Variants in WT1 observed in about 807,000 individuals in gnomAD.
WT1 encodes Wilms tumor protein.
A neutral mutation model predicts 60.8 loss-of-function variants in WT1; 8 were observed. The observed-to-expected ratio is 0.13, with a 90% confidence interval of 0.08 to 0.24. WT1 has a LOEUF of 0.24. Ranked by LOEUF, WT1 falls within the 10% of genes least tolerant of loss-of-function variation. The probability of loss-of-function intolerance (pLI) is 1.00; values close to 1 mark genes in which losing one functional copy is unlikely to be tolerated. For missense variants in WT1, 568 were observed against 711.8 expected (o/e 0.80, Z 2.30); for synonymous variants, 312 against 297.1 (o/e 1.05, Z -0.52).
intron 3 of WT1, among the ~76,000 whole-genome samples, chr11:32,422,564 T>G (rs987530014): frequency 1.3e-5 from 2 of 152,246 alleles, no homozygotes; most frequent in African/African-American, 4.8e-5. Context: ...GTCATCTGAT[T>G]TCTGTCTATG....
At chr11:32,416,636 C>T (rs1349975189) in intron 4 of WT1, 96 bp from the exon 5 acceptor site, 2 of 1,430,780 alleles carry the variant, frequency 1.4e-6, no homozygotes, top group East Asian at 4.5e-5. Flanking sequence ...CCCCTCAATA[C>T]ACAGAGACAT....
At chr11:32,414,660 G>T (rs1362866084) in intron 5 of WT1, among the ~76,000 whole-genome samples, 42 of 152,210 alleles carry the variant, frequency 2.8e-4, no homozygotes, top group Non-Finnish European at 8.8e-5. Context: ...ATCGCCTGAG[G>T]TCAGGTGTTC....
chr11:32,420,819 AG>A (rs1452639674), intron 3 of WT1, among the ~76,000 whole-genome samples: 2 of 152,188 alleles, frequency 1.3e-5, no homozygotes, highest in Non-Finnish European at 2.9e-5. Flanking sequence ...CAGCTCACTA[AG>A]GGCAGAGTGC....
chr11:32,425,861 T>C (rs1853017771), intron 3 of WT1, among the ~76,000 whole-genome samples: 1 of 152,190 alleles, frequency 6.6e-6, no homozygotes, highest in Admixed American at 6.5e-5. Flanking sequence ...TTTGATGAAG[T>C]GCTTAATACA....
chr11:32,409,136 A>G (rs1425114563), intron 5 of WT1, among the ~76,000 whole-genome samples: 1 of 152,232 alleles, frequency 6.6e-6, no homozygotes, highest in Admixed American at 6.5e-5. Context: ...AGCTGCTGGC[A>G]ACCTGGCACA....
At chr11:32,428,974 C>G in intron 1 of WT1, 2 of 368,372 alleles carry the variant, frequency 5.4e-6, no homozygotes, top group South Asian at 4.8e-5. Flanking sequence ...TGTTCACCCC[C>G]CAAAAATAAA....
At chr11:32,424,671 A>G (rs1198552118) in intron 3 of WT1, among the ~76,000 whole-genome samples, 1 of 152,128 alleles carries the variant, frequency 6.6e-6, no homozygotes, top group Non-Finnish European at 1.5e-5. Flanking sequence ...TGTATTTTCT[A>G]TTCACTGTTG....
At chr11:32,433,576 T>C (rs1451273418) in intron 1 of WT1, among the ~76,000 whole-genome samples, 1 of 152,230 alleles carries the variant, frequency 6.6e-6, no homozygotes, top group Non-Finnish European at 1.5e-5. Flanking sequence ...AGGAAAAGCA[T>C]CCGCCATTGT....
rs1851706783 is a variant in WT1, at chr11:32,388,018, A to C, written c.*1040T>G. On this transcript the variant is annotated 3_prime_UTR_variant, in exon 10 of 10. Transcript: ENST00000452863. ...AACACAACACAACACACACACACAC[A>C]CACACACACACACACACACGACCAT... The C allele has an allele frequency of 4.2e-6, 1 of 235,768 alleles. No individual in the cohort carries two copies. Among genetic ancestry groups the C allele is most frequent in the South Asian group, 1.8e-4 (1 of 5,510 alleles). 14.6% of individuals were successfully genotyped at this position (235,768 alleles called of 1,614,324 possible).
rs2132938954 is a variant in WT1, at chr11:32,396,247, G to C, written c.1264+10C>G. 2 of 1,614,122 alleles carry C rather than the reference G, an allele frequency of 1.2e-6. No individual in the cohort carries two copies. Among genetic ancestry groups the C allele is most frequent in the Non-Finnish European group, 1.7e-6 (2 of 1,180,006 alleles). On this transcript the variant is annotated intron_variant, in intron 7 of 9. Coordinates refer to ENST00000452863, the MANE Select transcript of WT1 (RefSeq NM_024426.6). The stretch of plus-strand genomic sequence containing the variant: ...ATGTTTGCCCAAGACTGGACAGCGG[G>C]CACACTTACCAGTGTGCTTCCTGCT...
chr11:32,434,770 C>A lies in WT1; in HGVS notation c.591G>T (p.Gln197His), dbSNP rs767850217. The change falls in exon 1 of 10, where the codon CAG becomes CAT. Residue 197 changes from glutamine (Q) to histidine (H), a missense_variant. This residue lies in a region of WT1 where 523 missense variants were observed against 565.1 expected (regional missense o/e 0.93). Transcript: ENST00000452863. The stretch of plus-strand genomic sequence containing the variant: ...AGGGCGCGTTAGGAAACATCCTGGC[C>A]TGGCCGGATGACGCCTGGCTGGGCG... 2.5e-5 allele frequency: 41 copies of A among 1,612,664 alleles called. No individual in the cohort carries two copies. Among genetic ancestry groups the A allele is most frequent in the Non-Finnish European group, 3.3e-5 (39 of 1,179,874 alleles).
intron 5 of WT1, among the ~76,000 whole-genome samples, chr11:32,401,674 G>A (rs1004099397): frequency 6.6e-6 from 1 of 152,004 alleles, no homozygotes; most frequent in Non-Finnish European, 1.5e-5. Flanking sequence ...GGAGTAGCTG[G>A]GATTACAGGC....
At chr11:32,424,084 C>G (rs1198892437) in intron 3 of WT1, among the ~76,000 whole-genome samples, 1 of 148,656 alleles carries the variant, frequency 6.7e-6, no homozygotes, top group Non-Finnish European at 1.5e-5. Context: ...ATCTCTTGAA[C>G]CCGGCAGGCA....
chr11:32,427,246 T>A (rs1226463280), intron 3 of WT1, among the ~76,000 whole-genome samples: 1 of 151,984 alleles, frequency 6.6e-6, no homozygotes, highest in African/African-American at 2.4e-5. Flanking sequence ...TCACCCAAAG[T>A]TGAAGAAAAA....
rs57754804 is a variant in WT1 at position 32,418,245 on chromosome 11, A to G, written c.888-591T>C. On this transcript the variant is annotated intron_variant, in intron 3 of 9. Coordinates refer to ENST00000452863, the MANE Select transcript of WT1 (RefSeq NM_024426.6). ...TTATAATCCTGGTACAAGTCAAATT[A>G]AAAAAAAAAAAAAAGAGCCCAGTTC... 1.0e-4 allele frequency among the ~76,000 whole-genome samples: 4 copies of G among 39,556 alleles called. No homozygotes were observed. The East Asian group carries it at 1.6e-3, about 16-fold the overall frequency. 26.0% of individuals were successfully genotyped at this position (39,556 alleles called of 152,430 possible). A position where few individuals can be genotyped will look rare whatever the true frequency, so the allele number is the denominator to read the frequency against.
At chr11:32,416,579 A>C in intron 4 of WT1, 39 bp from the exon 5 acceptor site, 1 of 1,613,296 alleles carries the variant, frequency 6.2e-7, no homozygotes, top group South Asian at 1.1e-5. Flanking sequence ...GGAATGGAGC[A>C]TGCATGGATC....
At chr11:32,392,827 A>G (rs1851856821) in intron 7 of WT1, 72 bp from the exon 8 acceptor site, 4 of 1,400,662 alleles carry the variant, frequency 2.9e-6, no homozygotes, top group East Asian at 2.3e-5. Context: ...AACCTCTCCT[A>G]CTAGGACTGA....
At chr11:32,414,557 G>T (rs552473576) in intron 5 of WT1, among the ~76,000 whole-genome samples, 1 of 152,336 alleles carries the variant, frequency 6.6e-6, no homozygotes, top group South Asian at 2.1e-4. Context: ...TTATAGGCGT[G>T]AGCCACCATG....
intron 1 of WT1, among the ~76,000 whole-genome samples, chr11:32,432,788 T>G (rs1257057881): frequency 6.6e-6 from 1 of 152,134 alleles, no homozygotes; most frequent in Non-Finnish European, 1.5e-5. Flanking sequence ...AGACCTGCCC[T>G]GAAAAGGGCT....
Sources: allele counts gnomAD v4.1 joint callset (sites outside exome capture counted in the v4.1 genomes callset), GRCh38; gene constraint gnomAD v4.1.1; regional missense constraint gnomAD v4.1.1; transcripts MANE v1.5; gene names NCBI Gene and HGNC (gene_info 2026-07-23, HGNC 2026-07-21).